FAF2: variants seen among roughly 807,000 people sequenced by gnomAD.
FAF2 encodes FAS-associated factor 2.
FAF2 carries 9 observed loss-of-function variants against 62.3 expected under a neutral mutation model. The observed-to-expected ratio is 0.14, with a 90% confidence interval of 0.09 to 0.25. FAF2 has a LOEUF of 0.25. FAF2 is among the 10% of genes least tolerant of loss of function. FAF2 has a pLI of 1.00. For synonymous variants in FAF2, 202 were observed against 198.0 expected (o/e 1.02, Z -0.17); for missense variants, 368 against 556.2 (o/e 0.66, Z 3.40).
At chr5:176,464,129 C>CT (rs201890492) in intron 1 of FAF2, among the ~76,000 whole-genome samples, 16 of 151,610 alleles carry the variant, frequency 1.1e-4, no homozygotes, top group South Asian at 4.2e-4. Context: ...TTTTTTGTTT[C>CT]TTTTTTTTGT....
intron 1 of FAF2, among the ~76,000 whole-genome samples, chr5:176,470,072 A>G (rs1400985879): frequency 6.6e-6 from 1 of 152,234 alleles, no homozygotes; most frequent in Non-Finnish European, 1.5e-5. Context: ...GCATGCATAC[A>G]GTCTAGAATG....
intron 1 of FAF2, among the ~76,000 whole-genome samples, chr5:176,475,535 G>T (rs1260226231): frequency 6.6e-6 from 1 of 152,310 alleles, no homozygotes; most frequent in African/African-American, 2.4e-5. Context: ...CCAACACTTT[G>T]GGAGGCCGAG....
chr5:176,458,408 C>CTTTTT lies in FAF2; in HGVS notation c.63+9953_63+9957dup, dbSNP rs751775026. Among the ~76,000 whole-genome samples, 581 of 86,368 alleles carry CTTTTT rather than the reference C, an allele frequency of 6.7e-3. 106 individuals are homozygous for CTTTTT. Among genetic ancestry groups the CTTTTT allele is most frequent in the African/African-American group, 0.01 (223 of 22,294 alleles). The allele number at this position is 86,368 out of a possible 152,430, so 56.7% of individuals were successfully genotyped here. On this transcript the variant is annotated intron_variant, in intron 1 of 10. Transcript: ENST00000261942. ...CAGAATAATATTTTTCTTTTTCTTCCTTTTTTTTTTTTTTTTTTTGAGACG... is the reference window on the plus strand; with the variant it reads ...CAGAATAATATTTTTCTTTTTCTTCCTTTTTTTTTTTTTTTTTTTTTTTTGAGACG...
chr5:176,463,525 C>CT (rs1000394524), intron 1 of FAF2, among the ~76,000 whole-genome samples: 1 of 151,796 alleles, frequency 6.6e-6, no homozygotes, highest in Admixed American at 6.6e-5. Context: ...CTTCATGTTT[C>CT]TTTTTTTTCC....
intron 1 of FAF2, among the ~76,000 whole-genome samples, chr5:176,449,359 G>A (rs887111165): frequency 5.9e-5 from 9 of 152,166 alleles, no homozygotes; most frequent in African/African-American, 2.2e-4. Flanking sequence ...AGCGAATCAC[G>A]AGGTCAGGAG....
Position 176,448,419 on chromosome 5 carries a change from T to C in FAF2, c.12T>C (p.Pro4=). Residue 4 remains proline, a synonymous_variant, in exon 1 of 11, where the codon CCT becomes CCC. Transcript: ENST00000261942. ...GAGGCGGCGGCAAAATGGCGGCGCC[T>C]GAGGAGCGGGATCTAACCCAGGAGC... MAA[P]EERDLTQEQT... The C allele has an allele frequency of 6.2e-7, 1 of 1,606,698 alleles. No individual in the cohort carries two copies. The highest frequency in any genetic ancestry group is 8.5e-7 in the Non-Finnish European group (1 of 1,176,968).
chr5:176,459,162 T>G (rs1017913628), intron 1 of FAF2, among the ~76,000 whole-genome samples: 10 of 152,148 alleles, frequency 6.6e-5, no homozygotes, highest in African/African-American at 2.2e-4. Context: ...TGGATTCTTT[T>G]TTTTCTCTTT....
chr5:176,450,122 A>C (rs921024836), intron 1 of FAF2, among the ~76,000 whole-genome samples: 1 of 152,214 alleles, frequency 6.6e-6, no homozygotes, highest in African/African-American at 2.4e-5. Flanking sequence ...ACTTTTTTGC[A>C]ATTTCCTTGA....
chr5:176,461,312 C>CTTT (rs60608969), intron 1 of FAF2, among the ~76,000 whole-genome samples: 2,207 of 70,584 alleles, frequency 0.031, 124 homozygotes, highest in South Asian at 0.04. Flanking sequence ...CTGTGCCCAG[C>CTTT]TTTTTTTTTT....
intron 1 of FAF2, among the ~76,000 whole-genome samples, chr5:176,450,032 T>C (rs1758136101): frequency 1.3e-5 from 2 of 152,256 alleles, no homozygotes; most frequent in South Asian, 4.1e-4. Flanking sequence ...GACTTCTGTC[T>C]TGTGCAACTT....
chr5:176,475,483 C>T (rs1476487633), intron 1 of FAF2, among the ~76,000 whole-genome samples: 1 of 152,126 alleles, frequency 6.6e-6, no homozygotes, highest in Non-Finnish European at 1.5e-5. Context: ...CTTAGAATTA[C>T]ATATCAATAC....
At chr5:176,495,672 C>T (rs1759047330) in intron 7 of FAF2, among the ~76,000 whole-genome samples, 1 of 151,978 alleles carries the variant, frequency 6.6e-6, no homozygotes, top group Non-Finnish European at 1.5e-5. Context: ...CCACCACACC[C>T]TGCTAATTTT....
rs1231216489 is a variant in FAF2, at chr5:176,509,140, A to AT, written c.*2192dup. 2.0e-5 allele frequency: 3 copies of AT among 152,164 alleles called. No individual in the cohort carries two copies. Among genetic ancestry groups the AT allele is most frequent in the Non-Finnish European group, 4.4e-5 (3 of 68,050 alleles). The allele number at this position is 152,164 out of a possible 1,614,324, so 9.4% of individuals were successfully genotyped here. The stretch of plus-strand genomic sequence containing the variant: ...CCCATTTACTTTAGGTTTCAAGAGG[A>AT]TTCACCGGAAGCACATGCCCCGGTC... On this transcript the variant is annotated 3_prime_UTR_variant, in exon 11 of 11. Transcript: ENST00000261942.
intron 10 of FAF2, among the ~76,000 whole-genome samples, chr5:176,501,678 A>G (rs913530579): frequency 6.6e-6 from 1 of 152,244 alleles, no homozygotes; most frequent in African/African-American, 2.4e-5. Context: ...TTTTGTTAAG[A>G]GAGAAGCAAA....
intron 1 of FAF2, among the ~76,000 whole-genome samples, chr5:176,468,566 A>G (rs2113724982): frequency 6.6e-6 from 1 of 152,212 alleles, no homozygotes; most frequent in East Asian, 1.9e-4. Flanking sequence ...CCTGGGCGAC[A>G]GAGCAAGACT....
intron 2 of FAF2, among the ~76,000 whole-genome samples, chr5:176,481,114 T>C (rs900027610): frequency 2.0e-5 from 3 of 151,998 alleles, no homozygotes; most frequent in Non-Finnish European, 2.9e-5. Flanking sequence ...TGGTGTGATC[T>C]TGGCTCACTG....
intron 10 of FAF2, among the ~76,000 whole-genome samples, chr5:176,504,392 TG>T (rs1460481175): frequency 6.6e-6 from 1 of 152,054 alleles, no homozygotes; most frequent in Non-Finnish European, 1.5e-5. Context: ...GAGACCAGCC[TG>T]GCCAACATGG....
At chr5:176,451,886 ATATATATTTTTTTT>A (rs1758189963) in intron 1 of FAF2, among the ~76,000 whole-genome samples, 12 of 29,216 alleles carry the variant, frequency 4.1e-4, no homozygotes, top group African/African-American at 1.3e-3. Flanking sequence ...ATATATATAT[ATATATATTTTTTTT>A]TTTTTTTTTT....
chr5:176,466,273 C>T (rs1290701271), intron 1 of FAF2, among the ~76,000 whole-genome samples: 2 of 152,202 alleles, frequency 1.3e-5, no homozygotes, highest in African/African-American at 4.8e-5. Context: ...CTGCCTATTA[C>T]ATAAAGCAAA....
Sources: allele counts gnomAD v4.1 joint callset (sites outside exome capture counted in the v4.1 genomes callset), GRCh38; gene constraint gnomAD v4.1.1; transcripts MANE v1.5; gene names NCBI Gene and HGNC (gene_info 2026-07-23, HGNC 2026-07-21).